ZBTB46: variants seen among roughly 807,000 people sequenced by gnomAD.
ZBTB46 encodes zinc finger and BTB domain containing 46.
A neutral mutation model predicts 44.1 loss-of-function variants in ZBTB46; 8 were observed. That is an observed-to-expected ratio of 0.18 (90% CI 0.11 to 0.33). ZBTB46 has a LOEUF of 0.33. ZBTB46 is among the 10% of genes least tolerant of loss of function. The pLI is 1.00. For missense variants in ZBTB46, 651 were observed against 847.7 expected (o/e 0.77, Z 2.88); for synonymous variants, 409 against 382.3 (o/e 1.07, Z -0.81).
intron 1 of ZBTB46, among the ~76,000 whole-genome samples, chr20:63,813,107 C>CAAAAT (rs1474512955): frequency 6.6e-6 from 1 of 151,038 alleles, no homozygotes; most frequent in Non-Finnish European, 1.5e-5. Context: ...AAAAACAAAA[C>CAAAAT]AAAACAAAAA....
chr20:63,761,813 A>AG (rs1269218367), intron 3 of ZBTB46, among the ~76,000 whole-genome samples: 2 of 151,558 alleles, frequency 1.3e-5, no homozygotes, highest in Non-Finnish European at 2.9e-5. Flanking sequence ...TCATTTCCAT[A>AG]GGGATTTATT....
chr20:63,808,126 G>A (rs1375151525), intron 1 of ZBTB46: 1 of 152,998 alleles, frequency 6.5e-6, no homozygotes, highest in East Asian at 1.9e-4. Flanking sequence ...GCAGCCGCCT[G>A]AGCAGTGAGG....
At chr20:63,830,491 G>C (rs2092843421) in intron 1 of ZBTB46, among the ~76,000 whole-genome samples, 1 of 150,552 alleles carries the variant, frequency 6.6e-6, no homozygotes, top group Non-Finnish European at 1.5e-5. Context: ...AGACCAGGCC[G>C]GCGCCCGGCG....
upstream of ZBTB46, among the ~76,000 whole-genome samples, chr20:63,831,510 C>A (rs1057058030): frequency 6.8e-6 from 1 of 147,128 alleles, no homozygotes; most frequent in Admixed American, 6.7e-5. Context: ...TTCTCCCCCC[C>A]GCGGGCAGCC....
At chr20:63,830,231 C>T (rs1279525911) in intron 1 of ZBTB46, among the ~76,000 whole-genome samples, 1 of 152,194 alleles carries the variant, frequency 6.6e-6, no homozygotes, top group East Asian at 1.9e-4. Context: ...CCAGGGGAAC[C>T]CCAACTAGCA....
intron 3 of ZBTB46, among the ~76,000 whole-genome samples, chr20:63,770,702 G>T (rs973139875): frequency 6.6e-6 from 1 of 152,220 alleles, no homozygotes; most frequent in African/African-American, 2.4e-5. Context: ...GCCGGACGCT[G>T]TTTGTTGAAC....
intron 3 of ZBTB46, among the ~76,000 whole-genome samples, chr20:63,769,782 G>C (rs916568940): frequency 6.6e-6 from 1 of 152,204 alleles, no homozygotes; most frequent in African/African-American, 2.4e-5. Flanking sequence ...CACAATTCCA[G>C]TCTCGATCCA....
At chr20:63,755,034 G>C (rs184343854) in intron 3 of ZBTB46, among the ~76,000 whole-genome samples, 2 of 152,148 alleles carry the variant, frequency 1.3e-5, no homozygotes, top group Admixed American at 1.3e-4. Context: ...TCTCTGTATA[G>C]AAACCCTGTA....
intron 3 of ZBTB46, among the ~76,000 whole-genome samples, chr20:63,770,183 G>A (rs991610438): frequency 1.3e-5 from 2 of 152,174 alleles, no homozygotes; most frequent in East Asian, 3.9e-4. Flanking sequence ...GCGCATCCTC[G>A]GCTTGTCAGT....
chr20:63,795,086 C>T (rs545707775), intron 1 of ZBTB46, among the ~76,000 whole-genome samples: 1 of 152,350 alleles, frequency 6.6e-6, no homozygotes, highest in South Asian at 2.1e-4. Flanking sequence ...CCAATAGCTA[C>T]CCTAGACCCT....
chr20:63,831,423 C>G (rs2092851680), upstream of ZBTB46, among the ~76,000 whole-genome samples: 2 of 143,688 alleles, frequency 1.4e-5, no homozygotes, highest in African/African-American at 5.0e-5. Flanking sequence ...CCCACGCCGG[C>G]CCGGCCGCCG....
In ZBTB46 at chr20:63,774,268, A is replaced by G. The variant is rs561434870; in HGVS notation, c.1222+1410T>C. ...TTTCCACATGTAGTCTTTATTACCC[A>G]CAAACAGTTGGCATCAGTGCTCACA... On this transcript the variant is annotated intron_variant, in intron 3 of 4. Coordinates refer to ENST00000245663, the MANE Select transcript of ZBTB46 (RefSeq NM_001369741.1). 3.3e-5 allele frequency among the ~76,000 whole-genome samples: 5 copies of G among 152,288 alleles called. No individual in the cohort carries two copies. In the East Asian group the frequency reaches 9.6e-4, roughly 29 times the overall value.
At chr20:63,772,001 CT>C (rs11473575) in intron 3 of ZBTB46, among the ~76,000 whole-genome samples, 13,655 of 138,762 alleles carry the variant, frequency 0.098, 993 homozygotes, top group East Asian at 0.45. Context: ...AGGGCAAATT[CT>C]TTTTTTTTTT....
At chr20:63,806,743 G>T (rs1488240096) in intron 1 of ZBTB46, among the ~76,000 whole-genome samples, 1 of 151,516 alleles carries the variant, frequency 6.6e-6, no homozygotes, top group Non-Finnish European at 1.5e-5. Context: ...CATGTAGCTG[G>T]GACTACAGGC....
In ZBTB46 at chr20:63,782,096, A is replaced by AAAAAAAAAAAAAAAAG. The variant is rs1386082316; in HGVS notation, c.938-6135_938-6134insCTTTTTTTTTTTTTTT. Among the ~76,000 whole-genome samples, 12 of 124,974 alleles carry AAAAAAAAAAAAAAAAG rather than the reference A, an allele frequency of 9.6e-5. 2 individuals are homozygous for AAAAAAAAAAAAAAAAG. The highest frequency in any genetic ancestry group is 2.0e-4 in the Non-Finnish European group (12 of 59,640). 82.0% of individuals were successfully genotyped at this position (124,974 alleles called of 152,430 possible). ...AGCAAGACTCCGTCTCAAAAAAAAAAAAAAGAAAAGAGGCGTGGCGATTTT... is the reference window on the plus strand; with the variant it reads ...AGCAAGACTCCGTCTCAAAAAAAAAAAAAAAAAAAAAAAAAGAAAAGAAAAGAGGCGTGGCGATTTT... On this transcript the variant is annotated intron_variant, in intron 2 of 4. Coordinates refer to ENST00000245663, the MANE Select transcript of ZBTB46 (RefSeq NM_001369741.1).
chr20:63,820,389 G>A (rs906028465), intron 1 of ZBTB46, among the ~76,000 whole-genome samples: 5 of 151,186 alleles, frequency 3.3e-5, no homozygotes, highest in Non-Finnish European at 7.4e-5. Flanking sequence ...ATGAGACACC[G>A]CGCCTGGCCA....
intron 1 of ZBTB46, among the ~76,000 whole-genome samples, chr20:63,821,199 C>A (rs28794636): frequency 2.8e-5 from 4 of 141,134 alleles, no homozygotes; most frequent in African/African-American, 1.0e-4. Flanking sequence ...TTTTTTTTTT[C>A]AGTAGAGACA....
chr20:63,769,326 G>A, intron 3 of ZBTB46: 1 of 985,422 alleles, frequency 1.0e-6, no homozygotes, highest in Non-Finnish European at 1.2e-6. Flanking sequence ...GGCTCTGAGG[G>A]TGGAGGGTGG....
At chr20:63,762,489 T>C (rs2092285413) in intron 3 of ZBTB46, among the ~76,000 whole-genome samples, 2 of 152,010 alleles carry the variant, frequency 1.3e-5, no homozygotes, top group Non-Finnish European at 2.9e-5. Flanking sequence ...CTGTCTCTAC[T>C]AAAAATACAC....
Sources: gnomAD v4.1 joint callset for allele counts (sites outside exome capture counted in the v4.1 genomes callset) on GRCh38, gnomAD v4.1.1 for gene constraint, MANE v1.5 for transcripts, NCBI Gene and HGNC (gene_info 2026-07-23, HGNC 2026-07-21) for gene names.